The following TMCC1 variants were observed in gnomAD, a reference collection of about 807,000 sequenced individuals.
TMCC1 encodes the protein transmembrane and coiled-coil domains protein 1.
A neutral mutation model predicts 52.4 loss-of-function variants in TMCC1; 15 were observed. The ratio of observed to expected loss-of-function variants is 0.29; its 90% confidence interval spans 0.19 to 0.44. TMCC1 has a LOEUF of 0.44. Ranked by LOEUF, TMCC1 falls within the 20% of genes least tolerant of loss-of-function variation. The pLI, the probability that TMCC1 is intolerant of heterozygous loss-of-function variation, is 1.00. For synonymous variants in TMCC1, 279 were observed against 301.9 expected, an observed-to-expected ratio of 0.92 and a Z score of 0.79; for missense variants, 503 against 806.0, an observed-to-expected ratio of 0.62 and a Z score of 4.55.
intron 2 of TMCC1, among the ~76,000 whole-genome samples, chr3:129,853,789 A>C (rs77509808): frequency 0.027 from 4,161 of 152,126 alleles, 82 homozygotes; most frequent in Non-Finnish European, 0.042. Flanking sequence ...ATCTTCCCCC[A>C]AAAAAACAAA....
chr3:129,838,581 C>T (rs897179146), intron 2 of TMCC1, among the ~76,000 whole-genome samples: 1 of 151,376 alleles, frequency 6.6e-6, no homozygotes, highest in Non-Finnish European at 1.5e-5. Flanking sequence ...GGTGAAACCC[C>T]GTCTCTACTA....
Position 129,762,054 on chromosome 3 carries a change from T to G in TMCC1, c.576+65749A>C, listed in dbSNP as rs1380555072. On this transcript the variant is annotated intron_variant, in intron 4 of 6. Coordinates refer to ENST00000393238, the MANE Select transcript of TMCC1 (RefSeq NM_001017395.5). The stretch of plus-strand genomic sequence containing the variant: ...GATTTCTAACTTTTTTTTTTTTTTT[T>G]GAGACAGAGTCTTGCTCTGTCACCC... Among the ~76,000 whole-genome samples the G allele has an allele frequency of 5.6e-4, 84 of 150,298 alleles. 1 individual carries two copies. Among genetic ancestry groups the G allele is most frequent in the Non-Finnish European group, 1.5e-4 (10 of 67,440 alleles).
chr3:129,828,466 A>T lies in TMCC1; in HGVS notation c.-88T>A. On this transcript the variant is annotated 5_prime_UTR_variant, in exon 4 of 7. Coordinates refer to ENST00000393238, the MANE Select transcript of TMCC1 (RefSeq NM_001017395.5). The surrounding 1 kb of genome is among the most constrained non-coding windows in gnomAD (Gnocchi z 4.1). ...AAATTAGGTAGGCATTTGCTTCAAC[A>T]GTGACTACGCATGCAGCTGTGAGAC... 3.1e-6 allele frequency: 4 copies of T among 1,282,830 alleles called. No homozygotes were observed. The highest frequency in any genetic ancestry group is 4.4e-6 in the Non-Finnish European group (4 of 912,976). 79.5% of individuals were successfully genotyped at this position (1,282,830 alleles called of 1,614,324 possible).
chr3:129,731,732 C>T (rs2050560201), intron 4 of TMCC1, among the ~76,000 whole-genome samples: 1 of 152,056 alleles, frequency 6.6e-6, no homozygotes, highest in Admixed American at 6.5e-5. Flanking sequence ...GCCATCCTCC[C>T]ACCTCAGCCT....
intron 4 of TMCC1, among the ~76,000 whole-genome samples, chr3:129,674,440 G>A (rs944927053): frequency 6.6e-6 from 1 of 152,032 alleles, no homozygotes; most frequent in Non-Finnish European, 1.5e-5. Context: ...CTGGACTACT[G>A]GAACTCCTCC....
At chr3:129,857,403 T>G (rs1290078837) in intron 2 of TMCC1, 1 of 152,212 alleles carries the variant, frequency 6.6e-6, no homozygotes, top group Non-Finnish European at 1.5e-5. Context: ...GGCAACGGAC[T>G]GCCTAATTGT....
At chr3:129,762,173 G>T (rs934652692) in intron 4 of TMCC1, among the ~76,000 whole-genome samples, 17 of 151,898 alleles carry the variant, frequency 1.1e-4, no homozygotes, top group Non-Finnish European at 1.8e-4. Context: ...GAGTAGCTGG[G>T]ACTGCAGGTG....
In TMCC1 at chr3:129,681,574, A is replaced by T. The variant is rs1303825624; in HGVS notation, c.577-10310T>A. Among the ~76,000 whole-genome samples, 5 of 151,990 alleles carry T rather than the reference A, an allele frequency of 3.3e-5. No homozygotes were observed. The East Asian group carries it at 9.6e-4, about 29-fold the overall frequency. ...TGGGTAGGAGGCCAGGTAGGAAGCTATAATAATCATAAGCCACTAGAACAC... is the reference window on the plus strand; with the variant it reads ...TGGGTAGGAGGCCAGGTAGGAAGCTTTAATAATCATAAGCCACTAGAACAC... On this transcript the variant is annotated intron_variant, in intron 4 of 6. Coordinates refer to ENST00000393238, the MANE Select transcript of TMCC1 (RefSeq NM_001017395.5).
chr3:129,849,060 A>C (rs551601772), intron 2 of TMCC1, among the ~76,000 whole-genome samples: 2 of 152,338 alleles, frequency 1.3e-5, no homozygotes, highest in African/African-American at 4.8e-5. Context: ...AAGAGCTACT[A>C]TAACTTTTTC....
intron 4 of TMCC1, among the ~76,000 whole-genome samples, chr3:129,709,161 T>C (rs1350980766): frequency 4.6e-5 from 7 of 152,110 alleles, no homozygotes; most frequent in Admixed American, 1.3e-4. Flanking sequence ...AGACTCGTGA[T>C]GTTTTAATAA....
intron 2 of TMCC1, among the ~76,000 whole-genome samples, chr3:129,863,246 G>A (rs1400900888): frequency 1.6e-4 from 24 of 152,098 alleles, no homozygotes; most frequent in Non-Finnish European, 3.5e-4. Context: ...CAAAAGATCT[G>A]GAAATTATAC....
chr3:129,704,493 A>G (rs2048072405), intron 4 of TMCC1, among the ~76,000 whole-genome samples: 1 of 152,138 alleles, frequency 6.6e-6, no homozygotes, highest in Non-Finnish European at 1.5e-5. Flanking sequence ...ATCTCAGCTC[A>G]CTGCAACCTC....
chr3:129,822,168 G>T (rs1476107964), intron 4 of TMCC1, among the ~76,000 whole-genome samples: 2 of 152,140 alleles, frequency 1.3e-5, no homozygotes, highest in African/African-American at 4.8e-5. Flanking sequence ...AATCCAGGAT[G>T]TCACTGTTCA....
At chr3:129,734,803 T>A (rs2050814048) in intron 4 of TMCC1, among the ~76,000 whole-genome samples, 1 of 152,160 alleles carries the variant, frequency 6.6e-6, no homozygotes, top group Admixed American at 6.5e-5. Flanking sequence ...AAGTACCAAG[T>A]TTGAAAAGCT....
At chr3:129,883,601 G>A (rs183429038) in intron 1 of TMCC1, among the ~76,000 whole-genome samples, 26 of 152,370 alleles carry the variant, frequency 1.7e-4, no homozygotes, top group Admixed American at 4.6e-4. Context: ...GTGACAGAGC[G>A]AGACGCTGTC....
At chr3:129,859,615 CA>C (rs1169960664) in intron 2 of TMCC1, among the ~76,000 whole-genome samples, 2 of 151,186 alleles carry the variant, frequency 1.3e-5, no homozygotes, top group African/African-American at 2.4e-5. Flanking sequence ...CCAGCCTCAG[CA>C]ACAGAGAGAA....
intron 2 of TMCC1, among the ~76,000 whole-genome samples, chr3:129,841,038 G>A (rs1193896229): frequency 1.3e-5 from 2 of 152,226 alleles, no homozygotes; most frequent in African/African-American, 4.8e-5. Context: ...AGACTTGTTA[G>A]AAGATTTTTA....
At chr3:129,764,757 G>GTGTGTGTGTATATATA (rs1311267538) in intron 4 of TMCC1, among the ~76,000 whole-genome samples, 1 of 73,386 alleles carries the variant, frequency 1.4e-5, no homozygotes, top group African/African-American at 9.9e-5. Flanking sequence ...GTGTGTGTGT[G>GTGTGTGTGTATATATA]TATATATATA....
chr3:129,688,578 T>C lies in TMCC1; in HGVS notation c.577-17314A>G, dbSNP rs6787757. On this transcript the variant is annotated intron_variant, in intron 4 of 6. Coordinates refer to ENST00000393238, the MANE Select transcript of TMCC1 (RefSeq NM_001017395.5). ...CCTCCGCAGTGCCCACCTCAGCCTA[T>C]GTATAGTTTCAATTCTATCTCCTGT... 1.5e-5 allele frequency: 15 copies of C among 985,396 alleles called. No individual in the cohort carries two copies. In the African/African-American group the frequency reaches 1.7e-4, roughly 11 times the overall value. 61.0% of individuals were successfully genotyped at this position (985,396 alleles called of 1,614,324 possible).
Sources: gnomAD v4.1 joint callset for allele counts (sites outside exome capture counted in the v4.1 genomes callset) on GRCh38, gnomAD v4.1.1 for gene constraint, Gnocchi (gnomAD v3.1) non-coding constraint, MANE v1.5 for transcripts, NCBI Gene and HGNC (gene_info 2026-07-23, HGNC 2026-07-21) for gene names.